The following CAST variants were observed in gnomAD, a reference collection of about 807,000 sequenced individuals.
CAST encodes the protein calpastatin.
In CAST, 76 loss-of-function variants were observed where a neutral mutation model predicts 119.6. The ratio of observed to expected loss-of-function variants is 0.64; its 90% CI spans 0.53 to 0.77. The LOEUF is 0.77. Ranked by LOEUF, CAST falls within the 30% of genes least tolerant of loss-of-function variation. The pLI, the probability that CAST is intolerant of heterozygous loss-of-function variation, is 0.00. For synonymous variants in CAST, 319 were observed against 331.6 expected, an observed-to-expected ratio of 0.96 and a Z score of 0.41; for missense variants, 953 against 946.5, an observed-to-expected ratio of 1.01 and a Z score of -0.09.
chr5:96,395,345 T>A, the CAST span, among the ~76,000 whole-genome samples: 1 of 152,194 alleles, frequency 6.6e-6, no homozygotes, highest in Non-Finnish European at 1.5e-5. Context: ...TATCAACTTA[T>A]AGAAACATTC....
chr5:96,269,097 A>G, the CAST span, among the ~76,000 whole-genome samples: 1 of 152,194 alleles, frequency 6.6e-6, no homozygotes, highest in Non-Finnish European at 1.5e-5. Context: ...CTGTGAGTCA[A>G]TTAAAGCTCT....
the CAST span, among the ~76,000 whole-genome samples, chr5:96,190,756 A>T: frequency 6.6e-6 from 1 of 151,852 alleles, no homozygotes; most frequent in Non-Finnish European, 1.5e-5. Context: ...TAAATTCAGG[A>T]TTTACATGTG....
At chr5:96,239,411 C>G in the CAST span, among the ~76,000 whole-genome samples, 2 of 152,026 alleles carry the variant, frequency 1.3e-5, no homozygotes, top group African/African-American at 4.8e-5. Context: ...TTTGAGTTCT[C>G]TTTGACCCTA....
At chr5:96,371,815 CAA>C in the CAST span, among the ~76,000 whole-genome samples, 2 of 151,968 alleles carry the variant, frequency 1.3e-5, no homozygotes, top group Non-Finnish European at 2.9e-5. Flanking sequence ...ATTAAAAATC[CAA>C]AGACAAACAG....
intron 1 of CAST, among the ~76,000 whole-genome samples, chr5:96,565,484 A>G (rs1244518045): frequency 6.6e-6 from 1 of 152,166 alleles, no homozygotes; most frequent in Non-Finnish European, 1.5e-5. Flanking sequence ...TCCTTATTGG[A>G]CACATCCCCA....
intron 22 of CAST, among the ~76,000 whole-genome samples, chr5:96,756,543 C>G (rs1230985178): frequency 2.6e-5 from 4 of 152,128 alleles, no homozygotes; most frequent in Admixed American, 2.6e-4. Context: ...ATCCAAAATG[C>G]CCCCGTGAGC....
At chr5:96,305,717 G>GT in the CAST span, among the ~76,000 whole-genome samples, 22 of 152,202 alleles carry the variant, frequency 1.4e-4, no homozygotes, top group African/African-American at 5.1e-4. Flanking sequence ...TAATCCTGTG[G>GT]TTTTTGTCAT....
the CAST span, among the ~76,000 whole-genome samples, chr5:96,508,025 T>TTATTATTAC: frequency 8.0e-6 from 1 of 124,390 alleles, no homozygotes; most frequent in African/African-American, 2.9e-5. Context: ...ATTATTATTA[T>TTATTATTAC]TATTATTTTA....
chr5:96,284,079 C>A, the CAST span, among the ~76,000 whole-genome samples: 1 of 152,098 alleles, frequency 6.6e-6, no homozygotes, highest in Non-Finnish European at 1.5e-5. Flanking sequence ...GAGGGCTCAC[C>A]TTCTGCAACT....
the CAST span, chr5:96,079,267 C>G: frequency 1.4e-5 from 5 of 356,784 alleles, no homozygotes; most frequent in African/African-American, 1.1e-4. Flanking sequence ...TTGTCCTGAG[C>G]TCCCACTTAC....
At chr5:96,707,204 C>G (rs978834397) in intron 3 of CAST, among the ~76,000 whole-genome samples, 1 of 152,184 alleles carries the variant, frequency 6.6e-6, no homozygotes, top group African/African-American at 2.4e-5. Context: ...CACCTTTTGT[C>G]GTTTTCCCTG....
chr5:96,504,097 T>G, the CAST span, among the ~76,000 whole-genome samples: 5 of 152,310 alleles, frequency 3.3e-5, no homozygotes, highest in African/African-American at 1.2e-4. Flanking sequence ...CGATTGATAT[T>G]GTTTGAATGC....
At chr5:96,680,657 T>C (rs1396147129) in intron 2 of CAST, among the ~76,000 whole-genome samples, 3 of 152,130 alleles carry the variant, frequency 2.0e-5, no homozygotes, top group Non-Finnish European at 4.4e-5. Flanking sequence ...GGCATTTAAG[T>C]ATATAGAAAA....
At chr5:96,550,452 G>A (rs1354500853) in intron 1 of CAST, among the ~76,000 whole-genome samples, 1 of 152,206 alleles carries the variant, frequency 6.6e-6, no homozygotes, top group Non-Finnish European at 1.5e-5. Flanking sequence ...ACCACAAAAT[G>A]AGGAGAAACC....
At chr5:96,175,351 G>A in the CAST span, among the ~76,000 whole-genome samples, 113 of 152,186 alleles carry the variant, frequency 7.4e-4, 1 homozygote, top group African/African-American at 2.6e-3. Flanking sequence ...TGATTTTGAG[G>A]TTCCTTGTTT....
the CAST span, among the ~76,000 whole-genome samples, chr5:96,180,510 C>A: frequency 6.6e-6 from 1 of 152,128 alleles, no homozygotes; most frequent in African/African-American, 2.4e-5. Context: ...CATTCTCAGT[C>A]CCTTGTTTTC....
chr5:96,539,825 CCGTTTACAT>C (rs1307051490), intron 1 of CAST, among the ~76,000 whole-genome samples: 3 of 152,158 alleles, frequency 2.0e-5, no homozygotes, highest in Non-Finnish European at 4.4e-5. Flanking sequence ...TGTATTTACA[CCGTTTACAT>C]TTAATGTGAC....
At chr5:96,635,646 A>C (rs897701378) in intron 1 of CAST, among the ~76,000 whole-genome samples, 4 of 152,214 alleles carry the variant, frequency 2.6e-5, no homozygotes, top group African/African-American at 9.6e-5. Flanking sequence ...ATTGTGACCT[A>C]TCTAAGCCCT....
At chr5:96,313,590 T>C in the CAST span, among the ~76,000 whole-genome samples, 1 of 152,218 alleles carries the variant, frequency 6.6e-6, no homozygotes, top group African/African-American at 2.4e-5. Flanking sequence ...ACTTTAAGCA[T>C]TTATGAATAA....
Sources: allele counts gnomAD v4.1 joint callset (sites outside exome capture counted in the v4.1 genomes callset), GRCh38; gene constraint gnomAD v4.1.1; transcripts MANE v1.5; gene names NCBI Gene and HGNC (gene_info 2026-07-23, HGNC 2026-07-21).